The following DCC variants were observed in gnomAD, a reference collection of about 807,000 sequenced individuals.
DCC encodes DCC netrin 1 receptor.
In DCC, 58 loss-of-function variants were observed where a neutral mutation model predicts 172.5. The observed-to-expected ratio is 0.34, with a 90% CI of 0.27 to 0.42. DCC has a LOEUF of 0.42. Ranked by LOEUF, DCC falls within the 10% of genes least tolerant of loss-of-function variation. The pLI is 1.00. For synonymous variants in DCC, 709 were observed against 644.5 expected, an observed-to-expected ratio of 1.10 and a Z score of -1.52; for missense variants, 1,740 against 1,791.0, an observed-to-expected ratio of 0.97 and a Z score of 0.51.
intron 2 of DCC, among the ~76,000 whole-genome samples, chr18:52,882,331 T>C (rs1257661641): frequency 6.6e-6 from 1 of 152,060 alleles, no homozygotes; most frequent in Non-Finnish European, 1.5e-5. Context: ...GGAAACAATT[T>C]TGGTTTGGAC....
chr18:52,582,471 C>T lies in DCC; in HGVS notation c.92-169583C>T, dbSNP rs140746778. Among the ~76,000 whole-genome samples, 1,518 of 152,232 alleles carry T rather than the reference C, an allele frequency of 1.0e-2. 26 individuals are homozygous for T. The highest frequency in any genetic ancestry group is 0.023 in the Admixed American group (346 of 15,274). On this transcript the variant is annotated intron_variant, in intron 1 of 28. Coordinates refer to ENST00000442544, the MANE Select transcript of DCC (RefSeq NM_005215.4). Reference sequence around the variant, plus strand: ...AGCCAGGGGAGTTCTTGTGGAAATACGCAGCATCTTGGTTTATAGTAGCAA... The same window carrying T: ...AGCCAGGGGAGTTCTTGTGGAAATATGCAGCATCTTGGTTTATAGTAGCAA...
At chr18:53,315,305 C>T (rs755411486) in intron 13 of DCC, among the ~76,000 whole-genome samples, 8 of 152,040 alleles carry the variant, frequency 5.3e-5, no homozygotes, top group South Asian at 2.1e-4. Context: ...ATCCTTTTTA[C>T]GGCTGCATAG....
rs536553821 is a variant in DCC at position 53,441,239 on chromosome 18, A to T, written c.3229+6030A>T. On this transcript the variant is annotated intron_variant, in intron 22 of 28. Transcript: ENST00000442544. ...AATAAATCAAGTGTCCCATTGTCAG[A>T]TAAGCATCAGGAAAGTGGTATGGCA... 2.0e-5 allele frequency among the ~76,000 whole-genome samples: 3 copies of T among 152,288 alleles called. No homozygotes were observed. The South Asian group carries it at 6.2e-4, about 32-fold the overall frequency.
At chr18:52,641,058 A>C (rs1841307) in intron 1 of DCC, among the ~76,000 whole-genome samples, 144,343 of 152,176 alleles carry the variant, frequency 0.95, 68,963 homozygotes, top group East Asian at 1. Flanking sequence ...CAGAAATTGA[A>C]CCAAATACTT....
intron 1 of DCC, among the ~76,000 whole-genome samples, chr18:52,431,455 G>C: frequency 6.6e-6 from 1 of 152,022 alleles, no homozygotes; most frequent in East Asian, 1.9e-4. Context: ...AATCCAATTA[G>C]TGCCACGGAC....
chr18:52,798,757 C>CTTT (rs201788408), intron 2 of DCC, among the ~76,000 whole-genome samples: 4 of 83,094 alleles, frequency 4.8e-5, no homozygotes, highest in Non-Finnish European at 1.1e-4. Context: ...AGTTTTGTAT[C>CTTT]TTTTTTTTTT....
At chr18:53,252,782 A>G (rs966536416) in intron 12 of DCC, among the ~76,000 whole-genome samples, 3 of 151,960 alleles carry the variant, frequency 2.0e-5, no homozygotes, top group African/African-American at 7.2e-5. Context: ...GAACAGACTA[A>G]AGCCCTAAGT....
In DCC at chr18:52,426,093, A is replaced by G. The variant is rs544565283; in HGVS notation, c.91+85215A>G. ...CACCTTAGAGATCATCTAGGATTAG[A>G]TTTGAGTTTATGACTAAAATGTTGT... On this transcript the variant is annotated intron_variant, in intron 1 of 28. Coordinates refer to ENST00000442544, the MANE Select transcript of DCC (RefSeq NM_005215.4). Among the ~76,000 whole-genome samples the G allele has an allele frequency of 5.1e-4, 77 of 152,200 alleles. 1 individual carries two copies. In the South Asian group the frequency reaches 0.016, roughly 31 times the overall value.
chr18:53,434,943 G>C (rs983619350), intron 21 of DCC, among the ~76,000 whole-genome samples: 6 of 152,138 alleles, frequency 3.9e-5, no homozygotes, highest in African/African-American at 1.4e-4. Flanking sequence ...TAGTTTAAGA[G>C]AGTTTACTTT....
chr18:52,978,710 C>T (rs537861227), intron 5 of DCC, among the ~76,000 whole-genome samples: 18 of 152,262 alleles, frequency 1.2e-4, no homozygotes, highest in Non-Finnish European at 2.2e-4. Context: ...GGACAAAGAA[C>T]GAGGACTATA....
In DCC at chr18:53,099,957, TTTTG is replaced by T. The variant is rs1210558213; in HGVS notation, c.1261+33796_1261+33799del. 6.3e-3 allele frequency among the ~76,000 whole-genome samples: 792 copies of T among 125,340 alleles called. 25 individuals carry two copies. The highest frequency in any genetic ancestry group is 0.023 in the African/African-American group (676 of 29,308). 82.2% of individuals were successfully genotyped at this position (125,340 alleles called of 152,430 possible). ...TTTCTTTCTTTCTTTTTTTTTTTTTTTTTGTTTGAGACAGAGTCTTGCTTTGTTG... is the reference window on the plus strand; with the variant it reads ...TTTCTTTCTTTCTTTTTTTTTTTTTTTTTGAGACAGAGTCTTGCTTTGTTG... On this transcript the variant is annotated intron_variant, in intron 7 of 28. Transcript: ENST00000442544.
At chr18:52,952,287 A>G (rs540751636) in intron 5 of DCC, among the ~76,000 whole-genome samples, 1 of 152,318 alleles carries the variant, frequency 6.6e-6, no homozygotes, top group African/African-American at 2.4e-5. Flanking sequence ...AATAACTTCA[A>G]ACAGTTCAGC....
chr18:52,704,357 AT>A (rs1301087191), intron 1 of DCC, among the ~76,000 whole-genome samples: 25 of 152,142 alleles, frequency 1.6e-4, no homozygotes. Flanking sequence ...TAATTCATTT[AT>A]TTACAAATTG....
intron 1 of DCC, among the ~76,000 whole-genome samples, chr18:52,433,729 A>G (rs985290829): frequency 1.3e-5 from 2 of 152,204 alleles, no homozygotes; most frequent in Non-Finnish European, 2.9e-5. Context: ...CCCCTTTTTA[A>G]ATCTGATTAT....
chr18:53,051,024 G>A (rs1011464549), intron 5 of DCC, among the ~76,000 whole-genome samples: 3 of 152,038 alleles, frequency 2.0e-5, no homozygotes, highest in African/African-American at 4.8e-5. Flanking sequence ...GAGCCCAGAA[G>A]TTCAAGACAA....
chr18:52,571,238 A>G (rs1014493237), intron 1 of DCC, among the ~76,000 whole-genome samples: 2 of 151,992 alleles, frequency 1.3e-5, no homozygotes, highest in Non-Finnish European at 2.9e-5. Context: ...AAATATTCAG[A>G]TGGAGGAATC....
chr18:53,352,241 G>A (rs73467243), intron 15 of DCC, among the ~76,000 whole-genome samples: 1,570 of 152,194 alleles, frequency 0.01, 23 homozygotes, highest in African/African-American at 0.037. Flanking sequence ...TTCAGTACAA[G>A]TGCCAGAGTT....
intron 1 of DCC, among the ~76,000 whole-genome samples, chr18:52,519,957 T>G (rs1383916558): frequency 1.3e-5 from 2 of 152,188 alleles, no homozygotes; most frequent in African/African-American, 4.8e-5. Flanking sequence ...TGTCTTCTCC[T>G]CCCATTGTAT....
At chr18:52,436,681 G>A (rs955064954) in intron 1 of DCC, among the ~76,000 whole-genome samples, 7 of 152,200 alleles carry the variant, frequency 4.6e-5, no homozygotes, top group Middle Eastern at 3.2e-3. Flanking sequence ...GCTGAGGTGG[G>A]TGGATCACCT....
Sources: allele counts gnomAD v4.1 joint callset (sites outside exome capture counted in the v4.1 genomes callset), GRCh38; gene constraint gnomAD v4.1.1; transcripts MANE v1.5; gene names NCBI Gene and HGNC (gene_info 2026-07-23, HGNC 2026-07-21).